The following ARL6IP6 variants were observed in gnomAD, a reference collection of about 807,000 sequenced individuals.
The protein encoded by ARL6IP6 is ARF like GTPase 6 interacting protein 6.
In ARL6IP6, 22 loss-of-function variants were observed where a neutral mutation model predicts 21.5. The observed-to-expected ratio is 1.02, with a 90% confidence interval of 0.73 to 1.46. The LOEUF is 1.46. ARL6IP6 is among the 40% of genes most tolerant of loss of function. The pLI is 0.00. For synonymous variants in ARL6IP6, 164 were observed against 125.3 expected (o/e 1.31, Z -2.06); for missense variants, 388 against 299.8 (o/e 1.29, Z -2.17).
At chr2:152,755,438 C>A (rs114257146) in intron 3 of ARL6IP6, among the ~76,000 whole-genome samples, 1 of 152,188 alleles carries the variant, frequency 6.6e-6, no homozygotes, top group Non-Finnish European at 1.5e-5. Context: ...TCATTGGCCA[C>A]GCTCCTGGTC....
intron 2 of ARL6IP6, among the ~76,000 whole-genome samples, chr2:152,727,681 G>A (rs568098376): frequency 2.0e-5 from 3 of 152,214 alleles, no homozygotes; most frequent in African/African-American, 7.2e-5. Flanking sequence ...ACTTATTGTT[G>A]TATTACAGTC....
intron 3 of ARL6IP6, among the ~76,000 whole-genome samples, chr2:152,746,379 A>G (rs116179214): frequency 1.3e-5 from 2 of 152,278 alleles, no homozygotes; most frequent in Non-Finnish European, 2.9e-5. Flanking sequence ...AAGAGGGACA[A>G]GTGTCCATAT....
chr2:152,720,361 C>A (rs1699724853), intron 1 of ARL6IP6, 172 bp from the exon 2 acceptor site: 1 of 651,220 alleles, frequency 1.5e-6, no homozygotes, highest in African/African-American at 1.8e-5. Flanking sequence ...GTGGTCAACA[C>A]ATTAATTTGC....
intron 2 of ARL6IP6, among the ~76,000 whole-genome samples, chr2:152,730,168 A>C (rs1700242976): frequency 1.3e-5 from 2 of 152,204 alleles, no homozygotes; most frequent in African/African-American, 4.8e-5. Flanking sequence ...AATGCGAAGT[A>C]AGTACTTAGA....
chr2:152,720,551 T>G lies in ARL6IP6; in HGVS notation c.419T>G (p.Leu140Trp), dbSNP rs1699739601. The change falls in exon 2 of 4, where the codon TTG becomes TGG. Residue 140 changes from leucine to tryptophan, a missense_variant. Leu to Trp is a moderately conservative substitution (Grantham distance 61, BLOSUM62 -2). Transcript: ENST00000326446. ...LIVKELHAEN[L>W]KNEDDVDTGL... is the part of the protein sequence containing the mutation. ...TTTGCAGAGTTGCATGCTGAGAATT[T>G]GAAAAATGAAGATGATGTAGACACT... The G allele has an allele frequency of 1.9e-6, 3 of 1,614,104 alleles. No individual in the cohort carries two copies. The highest frequency in any genetic ancestry group is 2.5e-6 in the Non-Finnish European group (3 of 1,179,958).
At chr2:152,735,298 A>C (rs1700501946) in intron 3 of ARL6IP6, among the ~76,000 whole-genome samples, 172 bp downstream of exon 3, 1 of 152,190 alleles carries the variant, frequency 6.6e-6, no homozygotes, top group Non-Finnish European at 1.5e-5. Context: ...ACATGAGAAT[A>C]ATATTTAAAA....
chr2:152,731,050 A>G (rs188601377), intron 2 of ARL6IP6, among the ~76,000 whole-genome samples: 6 of 152,296 alleles, frequency 3.9e-5, no homozygotes, highest in South Asian at 2.1e-4. Context: ...CTGTACTCCA[A>G]TCAACTCATT....
At position 152,760,835 on chromosome 2, in the gene ARL6IP6, T is replaced by TA. The variant is rs1315764659; in HGVS notation, c.*996dup. 35 of 151,986 alleles carry TA rather than the reference T, an allele frequency of 2.3e-4. No individual in the cohort carries two copies. The highest frequency in any genetic ancestry group is 4.7e-4 in the Non-Finnish European group (32 of 67,968). The allele number at this position is 151,986 out of a possible 1,614,324, so 9.4% of individuals were successfully genotyped here. On this transcript the variant is annotated 3_prime_UTR_variant, in exon 4 of 4. Coordinates refer to ENST00000326446, the MANE Select transcript of ARL6IP6 (RefSeq NM_152522.7). The stretch of plus-strand genomic sequence containing the variant: ...AATTTAGTTACCAAAGTAGAAAAGG[T>TA]ATTTTGATACTAGATATTAAAAACT...
chr2:152,725,315 C>T (rs1699989854), intron 2 of ARL6IP6, among the ~76,000 whole-genome samples: 1 of 151,934 alleles, frequency 6.6e-6, no homozygotes, highest in Admixed American at 6.6e-5. Flanking sequence ...CAACTATGGT[C>T]GAAAGAATAA....
chr2:152,726,204 G>C (rs1233754698), intron 2 of ARL6IP6, among the ~76,000 whole-genome samples: 1 of 152,036 alleles, frequency 6.6e-6, no homozygotes, highest in Non-Finnish European at 1.5e-5. Flanking sequence ...GGAACTACAG[G>C]TGTTATTTAT....
chr2:152,754,596 G>T (rs572793394), intron 3 of ARL6IP6, among the ~76,000 whole-genome samples: 1 of 152,162 alleles, frequency 6.6e-6, no homozygotes, highest in East Asian at 1.9e-4. Context: ...GGAATTGTTG[G>T]GTCATATGTT....
intron 1 of ARL6IP6, among the ~76,000 whole-genome samples, 163 bp downstream of exon 1, chr2:152,719,187 C>T (rs1211740865): frequency 6.6e-6 from 1 of 152,100 alleles, no homozygotes; most frequent in Non-Finnish European, 1.5e-5. Flanking sequence ...CCGCCCTTTG[C>T]CTTTTCTAAG....
rs1701700242 is a variant in ARL6IP6 at position 152,758,750 on chromosome 2, T to TA, written c.588-996dup. On this transcript the variant is annotated intron_variant, in intron 3 of 3. Transcript: ENST00000326446. ...TACCTTCTTCAATCTCTGCCACAGA[T>TA]ATTGTGCGACTGGAATCACTATGAG... Among the ~76,000 whole-genome samples the TA allele has an allele frequency of 2.0e-5, 3 of 152,254 alleles. No homozygotes were observed. The South Asian group carries it at 6.2e-4, about 32-fold the overall frequency.
intron 3 of ARL6IP6, among the ~76,000 whole-genome samples, chr2:152,749,336 C>T (rs1701210255): frequency 6.7e-6 from 1 of 149,332 alleles, no homozygotes; most frequent in Admixed American, 6.8e-5. Flanking sequence ...CACACACACA[C>T]GCACGCACGC....
chr2:152,743,001 G>A (rs185050642), intron 3 of ARL6IP6, among the ~76,000 whole-genome samples: 127 of 152,266 alleles, frequency 8.3e-4, no homozygotes, highest in African/African-American at 2.9e-3. Flanking sequence ...TCAATAGGAG[G>A]AATTTCACTA....
rs1447193439 is a variant in ARL6IP6 at position 152,759,802 on chromosome 2, A to G, written c.643A>G (p.Ile215Val). Reference sequence around the variant, plus strand: ...CTATAGCATGGCGATTTTGAATGGCATCGTAGCTGCTCTTACTGTAGCATG... The same window carrying G: ...CTATAGCATGGCGATTTTGAATGGCGTCGTAGCTGCTCTTACTGTAGCATG... ...MGYSMAILNG[I>V]VAALTVAWCL... The change falls in exon 4 of 4, where the codon ATC (isoleucine) becomes GTC (valine). Residue 215 changes from isoleucine to valine, a missense_variant. Transcript: ENST00000326446. The G allele has an allele frequency of 6.2e-7, 1 of 1,613,612 alleles. No homozygotes were observed. The highest frequency in any genetic ancestry group is 1.7e-5 in the Admixed American group (1 of 60,014).
chr2:152,718,168 G>T, upstream of ARL6IP6: 1 of 697,806 alleles, frequency 1.4e-6, no homozygotes, highest in Non-Finnish European at 1.8e-6. Context: ...TGTGAGCGTA[G>T]TGGGGAAGAA....
upstream of ARL6IP6, chr2:152,718,276 C>T (rs1699314586): frequency 7.3e-6 from 2 of 273,950 alleles, no homozygotes; most frequent in Non-Finnish European, 1.2e-5. Flanking sequence ...TGTCGGGGCG[C>T]GCGCTCCCGT....
rs1701029897 is a variant in ARL6IP6, at chr2:152,746,015, T to C, written c.587+10889T>C. ...TTGCTTTGTACCTTTTTTTTTTTTT[T>C]TTTTTTTTTTTTTTTTTTTAAAGAC... is the stretch of plus-strand genomic sequence containing the variant. On this transcript the variant is annotated intron_variant, in intron 3 of 3. Coordinates refer to ENST00000326446, the MANE Select transcript of ARL6IP6 (RefSeq NM_152522.7). Among the ~76,000 whole-genome samples, 4 of 89,476 alleles carry C rather than the reference T, an allele frequency of 4.5e-5. No individual in the cohort carries two copies. In the South Asian group the frequency reaches 1.2e-3, roughly 27 times the overall value. The allele number at this position is 89,476 out of a possible 152,430, so 58.7% of individuals were successfully genotyped here. A position where few individuals can be genotyped will look rare whatever the true frequency, so the allele number is the denominator to read the frequency against.
Sources: gnomAD v4.1 joint callset for allele counts (sites outside exome capture counted in the v4.1 genomes callset) on GRCh38, gnomAD v4.1.1 for gene constraint, MANE v1.5 for transcripts, NCBI Gene and HGNC (gene_info 2026-07-23, HGNC 2026-07-21) for gene names.